Variants in SFI1 observed in about 807,000 individuals in gnomAD.
SFI1 encodes the protein protein SFI1 homolog.
In SFI1, 195 loss-of-function variants were observed where a neutral mutation model predicts 207.5. The observed-to-expected ratio is 0.94, with a 90% CI of 0.84 to 1.06. The LOEUF (loss-of-function observed/expected upper bound fraction) is 1.06. SFI1 is among the 50% of genes least tolerant of loss of function. The probability of loss-of-function intolerance (pLI) is 0.00; values close to 1 mark genes in which losing one functional copy is unlikely to be tolerated. For missense variants in SFI1, 1,634 were observed against 1,588.0 expected, an observed-to-expected ratio of 1.03 and a Z score of -0.49; for synonymous variants, 630 against 598.9, an observed-to-expected ratio of 1.05 and a Z score of -0.76.
At chr22:31,552,019 C>T (rs555065722) in intron 6 of SFI1, among the ~76,000 whole-genome samples, 1 of 152,254 alleles carries the variant, frequency 6.6e-6, no homozygotes, top group South Asian at 2.1e-4. Context: ...ACCCTTGGGC[C>T]TCTTCCACCC....
chr22:31,506,584 A>T (rs886459311), intron 1 of SFI1, among the ~76,000 whole-genome samples: 1 of 152,126 alleles, frequency 6.6e-6, no homozygotes, highest in African/African-American at 2.4e-5. Context: ...CATTTTGCAG[A>T]TGACATGATT....
chr22:31,533,119 CTCTA>C lies in SFI1; in HGVS notation c.338+1993_338+1996del, dbSNP rs373759678. ...CAGGCCCAGTTGAAGGGTTGGTGGTCTCTATCAGTTTGAACTGTACAGGAGCTAG... is the reference window on the plus strand; with the variant it reads ...CAGGCCCAGTTGAAGGGTTGGTGGTCTCAGTTTGAACTGTACAGGAGCTAG... On this transcript the variant is annotated intron_variant, in intron 4 of 32. Coordinates refer to ENST00000400288, the MANE Select transcript of SFI1 (RefSeq NM_001007467.3). 3.4e-3 allele frequency among the ~76,000 whole-genome samples: 524 copies of C among 152,290 alleles called. 2 individuals carry two copies. Among genetic ancestry groups the C allele is most frequent in the African/African-American group, 0.012 (502 of 41,562 alleles).
chr22:31,596,098 C>T (rs1379370715), intron 15 of SFI1, among the ~76,000 whole-genome samples: 1 of 152,002 alleles, frequency 6.6e-6, no homozygotes, highest in Non-Finnish European at 1.5e-5. Context: ...ACTAAAAATA[C>T]AAAAATTAGC....
intron 20 of SFI1, 38 bp downstream of exon 20, chr22:31,604,983 A>T: frequency 6.5e-7 from 1 of 1,545,044 alleles, no homozygotes; most frequent in Non-Finnish European, 8.8e-7. Flanking sequence ...CCAGCTGGGG[A>T]ACAAGGAATG....
At position 31,602,738 on chromosome 22, in the gene SFI1, G is replaced by A. The variant is rs4339045; in HGVS notation, c.1758G>A (p.Lys586=). Residue 586 remains lysine, a synonymous_variant, in exon 17 of 33, where the codon AAG becomes AAA. Transcript: ENST00000400288. ...ACAHHRHGRL[K]KAFCLWRESA... Reference sequence around the variant, plus strand: ...CCCACCACCGCCACGGGCGGCTCAAGAAAGCTTTCTGCCTCTGGAGGGAAA... The same window carrying A: ...CCCACCACCGCCACGGGCGGCTCAAAAAAGCTTTCTGCCTCTGGAGGGAAA... 5.6e-6 allele frequency: 9 copies of A among 1,614,036 alleles called. No homozygotes were observed. Among genetic ancestry groups the A allele is most frequent in the Middle Eastern group, 3.3e-4 (2 of 6,030 alleles).
Position 31,528,876 on chromosome 22 carries a change from G to T in SFI1, c.266+13G>T. The T allele has an allele frequency of 6.2e-7, 1 of 1,605,556 alleles. No individual in the cohort carries two copies. The highest frequency in any genetic ancestry group is 8.5e-7 in the Non-Finnish European group (1 of 1,174,236). ...AACTGCGCATCAGGTGAGCTTATGAGTGGCCACCAGTCTATGGGTACTTTG... is the reference window on the plus strand; with the variant it reads ...AACTGCGCATCAGGTGAGCTTATGATTGGCCACCAGTCTATGGGTACTTTG... On this transcript the variant is annotated intron_variant, in intron 3 of 32. Coordinates refer to ENST00000400288, the MANE Select transcript of SFI1 (RefSeq NM_001007467.3).
At chr22:31,614,693 TCA>T (rs756118875) in intron 27 of SFI1, 94 bp from the exon 28 acceptor site, 14 of 1,420,554 alleles carry the variant, frequency 9.9e-6, no homozygotes, top group African/African-American at 4.2e-5. Context: ...TTCCTGACTT[TCA>T]GTCTCCCTAT....
intron 9 of SFI1, among the ~76,000 whole-genome samples, chr22:31,573,634 C>T (rs1225809004): frequency 5.9e-5 from 9 of 151,938 alleles, no homozygotes; most frequent in Admixed American, 5.9e-4. Flanking sequence ...GATGGGGTTT[C>T]ATAACTTTGG....
intron 15 of SFI1, among the ~76,000 whole-genome samples, chr22:31,592,922 G>C (rs1369789805): frequency 4.3e-5 from 5 of 115,820 alleles, no homozygotes; most frequent in South Asian, 2.9e-4. Context: ...TCACTTCCCA[G>C]TAGGGGCGGC....
chr22:31,527,653 A>G (rs1438990680), intron 2 of SFI1, among the ~76,000 whole-genome samples: 1 of 152,158 alleles, frequency 6.6e-6, no homozygotes, highest in Non-Finnish European at 1.5e-5. Context: ...CTTTACCCTC[A>G]GTGCAGATAT....
At chr22:31,610,343 TGTC>T (rs1355701005) in intron 22 of SFI1, among the ~76,000 whole-genome samples, 1 of 152,166 alleles carries the variant, frequency 6.6e-6, no homozygotes, top group African/African-American at 2.4e-5. Context: ...CTCTTGGGGT[TGTC>T]GTGGAGATCA....
intron 6 of SFI1, 126 bp downstream of exon 6, chr22:31,550,474 T>C: frequency 2.8e-6 from 2 of 711,704 alleles, no homozygotes; most frequent in Non-Finnish European, 2.3e-6. Context: ...TGTTTGATTC[T>C]CTTTCATATT....
chr22:31,563,834 C>T (rs769912068), intron 8 of SFI1, among the ~76,000 whole-genome samples: 1 of 151,290 alleles, frequency 6.6e-6, no homozygotes, highest in Non-Finnish European at 1.5e-5. Context: ...ATCCACCTGC[C>T]CCTCGGCCTC....
At chr22:31,615,376 C>T (rs986254879) in intron 29 of SFI1, 97 bp downstream of exon 29, 2 of 1,192,612 alleles carry the variant, frequency 1.7e-6, no homozygotes, top group Non-Finnish European at 2.2e-6. Flanking sequence ...TTCTGGAAAA[C>T]CTTGGCACAG....
chr22:31,548,643 CAAAA>C (rs763681575), intron 5 of SFI1, among the ~76,000 whole-genome samples: 1 of 106,482 alleles, frequency 9.4e-6, no homozygotes, highest in Non-Finnish European at 2.0e-5. Flanking sequence ...ACTCCGTCTC[CAAAA>C]AAAAAAAAAA....
At position 31,594,010 on chromosome 22, in the gene SFI1, G is replaced by GGCAGGGGCAGAGGCAGGGGC. The variant is rs1446565868; in HGVS notation, c.1544+4433_1544+4434insGCAGGGGCAGAGGCAGGGGC. ...GACGAGGGAGAGGGAGAGGGACAGG[G>GGCAGGGGCAGAGGCAGGGGC]AGAGGGAGAGGGAGAGGGAGGTGTC... On this transcript the variant is annotated intron_variant, in intron 15 of 32. Transcript: ENST00000400288. 7.9e-3 allele frequency among the ~76,000 whole-genome samples: 1,149 copies of GGCAGGGGCAGAGGCAGGGGC among 145,386 alleles called. 11 individuals are homozygous for GGCAGGGGCAGAGGCAGGGGC. The highest frequency in any genetic ancestry group is 9.7e-3 in the Non-Finnish European group (625 of 64,650).
intron 22 of SFI1, among the ~76,000 whole-genome samples, chr22:31,610,791 C>T (rs866493381): frequency 1.3e-5 from 2 of 152,232 alleles, no homozygotes; most frequent in African/African-American, 4.8e-5. Context: ...CTCCTCCCCC[C>T]TCAGACTGAG....
chr22:31,616,891 G>T lies in SFI1; in HGVS notation c.3433+14G>T. ...TTTCAACTGCAGGTGTGTACCTGGG[G>T]CCTGTCAGGGCAGAAAGCACTCAGG... On this transcript the variant is annotated intron_variant, in intron 30 of 32. Transcript: ENST00000400288. The T allele has an allele frequency of 1.2e-6, 2 of 1,609,362 alleles. No homozygotes were observed. The highest frequency in any genetic ancestry group is 1.7e-6 in the Non-Finnish European group (2 of 1,177,546).
At chr22:31,581,687 T>C (rs1407702810) in intron 12 of SFI1, among the ~76,000 whole-genome samples, 1 of 152,202 alleles carries the variant, frequency 6.6e-6, no homozygotes, top group Non-Finnish European at 1.5e-5. Context: ...GATGCCAACA[T>C]ATATTGTCTC....
Sources: allele counts gnomAD v4.1 joint callset (sites outside exome capture counted in the v4.1 genomes callset), GRCh38; gene constraint gnomAD v4.1.1; transcripts MANE v1.5; gene names NCBI Gene and HGNC (gene_info 2026-07-23, HGNC 2026-07-21).